Variants in RER1 observed in about 807,000 individuals in gnomAD.
RER1 encodes retention in endoplasmic reticulum sorting receptor 1, also known as protein RER1.
In RER1, 6 loss-of-function variants were observed where a neutral mutation model predicts 28.3. The observed-to-expected ratio is 0.21, with a 90% CI of 0.12 to 0.42. The LOEUF (loss-of-function observed/expected upper bound fraction) is 0.42, where lower values mean the gene tolerates loss of function less well. Among genes scored for constraint, RER1 ranks in the 10% least tolerant of loss-of-function variants. RER1 has a pLI of 1.00. For synonymous variants in RER1, 110 were observed against 95.9 expected (o/e 1.15, Z -0.86); for missense variants, 159 against 252.9 (o/e 0.63, Z 2.52).
At chr1:2,399,238 T>G (rs1036487277) in intron 3 of RER1, among the ~76,000 whole-genome samples, 177 bp from the exon 4 acceptor site, 1 of 152,246 alleles carries the variant, frequency 6.6e-6, no homozygotes, top group Non-Finnish European at 1.5e-5. Context: ...TAATTTGAGA[T>G]AAATTGTTAC....
intron 1 of RER1, among the ~76,000 whole-genome samples, chr1:2,393,630 A>G (rs1185520171): frequency 1.3e-5 from 2 of 152,134 alleles, no homozygotes; most frequent in Non-Finnish European, 2.9e-5. Flanking sequence ...CTGTTGTCCC[A>G]TTTCACAGAC....
intron 2 of RER1, 112 bp downstream of exon 2, chr1:2,395,983 C>G: frequency 1.2e-6 from 1 of 845,678 alleles, no homozygotes; most frequent in South Asian, 1.4e-5. Flanking sequence ...GTTACTTCGC[C>G]TCAGGCTCAA....
At chr1:2,402,969 T>G in intron 6 of RER1, 66 bp from the exon 7 acceptor site, 3 of 1,361,454 alleles carry the variant, frequency 2.2e-6, no homozygotes, top group Non-Finnish European at 3.1e-6. Context: ...GCCGCTCAGA[T>G]TTGGGGACAG....
chr1:2,398,938 G>T (rs1642806898), intron 3 of RER1, among the ~76,000 whole-genome samples: 1 of 152,210 alleles, frequency 6.6e-6, no homozygotes, highest in Non-Finnish European at 1.5e-5. Flanking sequence ...TGAATTGTCT[G>T]TTGGAGGAAC....
At chr1:2,392,324 C>T (rs1252378170) in intron 1 of RER1, among the ~76,000 whole-genome samples, 11 of 152,178 alleles carry the variant, frequency 7.2e-5, no homozygotes, top group Non-Finnish European at 1.6e-4. Context: ...CACAGCGCTG[C>T]GAGTTGGGCT....
Position 2,405,345 on chromosome 1 carries a change from C to T in RER1, c.*2221C>T. ...CCGCCAGCCTCCGTGCCCCACCCCA[C>T]CCAGCACGCACTCATTCAGTCCATT... On this transcript the variant is annotated 3_prime_UTR_variant, in exon 7 of 7. Coordinates refer to ENST00000605895, the MANE Select transcript of RER1 (RefSeq NM_007033.5). 1 of 343,650 alleles carries T rather than the reference C, an allele frequency of 2.9e-6. No individual in the cohort carries two copies. The highest frequency in any genetic ancestry group is 4.2e-5 in the Admixed American group (1 of 23,910). 21.3% of individuals were successfully genotyped at this position (343,650 alleles called of 1,614,324 possible).
chr1:2,397,321 T>G (rs908761476), intron 3 of RER1, 101 bp downstream of exon 3: 25 of 759,878 alleles, frequency 3.3e-5, no homozygotes, highest in Admixed American at 2.1e-4. Context: ...CAGGAAGTGG[T>G]CTCTAGTAAT....
Position 2,405,192 on chromosome 1 carries a change from G to C in RER1, c.*2068G>C. 5.5e-6 allele frequency: 1 copy of C among 181,880 alleles called. No homozygotes were observed. The highest frequency in any genetic ancestry group is 1.2e-5 in the Non-Finnish European group (1 of 84,828). 11.3% of individuals were successfully genotyped at this position (181,880 alleles called of 1,614,324 possible). ...CCGACGGAGGTGCTGGCCTTGGTTG[G>C]TTTCTCTCTGCCCCGTGTGGTCATC... On this transcript the variant is annotated 3_prime_UTR_variant, in exon 7 of 7. Coordinates refer to ENST00000605895, the MANE Select transcript of RER1 (RefSeq NM_007033.5).
intron 1 of RER1, chr1:2,394,033 C>T (rs909231620): frequency 3.3e-5 from 5 of 152,142 alleles, no homozygotes; most frequent in South Asian, 2.1e-4. Flanking sequence ...CTGAGTAAAA[C>T]GGGGAAACTT....
intron 6 of RER1, among the ~76,000 whole-genome samples, chr1:2,402,733 G>A (rs1252374461): frequency 6.6e-6 from 1 of 152,208 alleles, no homozygotes; most frequent in African/African-American, 2.4e-5. Context: ...TTCGTGCTGC[G>A]GGCCTCACTC....
chr1:2,402,038 A>T lies in RER1; in HGVS notation c.366-169A>T, dbSNP rs372639506. 2.5e-5 allele frequency: 39 copies of T among 1,551,546 alleles called. No homozygotes were observed. In the African/African-American group the frequency reaches 4.1e-4, roughly 16 times the overall value. Reference sequence around the variant, plus strand: ...GTGGTTAGGGCAGTACATGTCTGTGAGCTACATGCAAAGGGTCCTGCTGCT... The same window carrying T: ...GTGGTTAGGGCAGTACATGTCTGTGTGCTACATGCAAAGGGTCCTGCTGCT... On this transcript the variant is annotated intron_variant, in intron 5 of 6. Transcript: ENST00000605895.
intron 1 of RER1, chr1:2,395,176 A>G (rs184870469): frequency 6.5e-6 from 1 of 153,332 alleles, no homozygotes; most frequent in African/African-American, 2.4e-5. Context: ...TCCTCATGGC[A>G]TCACAGCAGT....
chr1:2,397,604 A>G (rs1642787657), intron 3 of RER1, among the ~76,000 whole-genome samples: 1 of 151,456 alleles, frequency 6.6e-6, no homozygotes, highest in South Asian at 2.1e-4. Flanking sequence ...GGTGTCATGA[A>G]TGACTCGGCG....
intron 4 of RER1, among the ~76,000 whole-genome samples, chr1:2,400,352 A>G (rs1045572221): frequency 2.8e-4 from 43 of 152,180 alleles, no homozygotes; most frequent in African/African-American, 1.0e-3. Context: ...GAGACTAGAA[A>G]ATAACAAAGA....
chr1:2,400,559 T>A (rs1642830894), intron 4 of RER1, among the ~76,000 whole-genome samples: 1 of 152,244 alleles, frequency 6.6e-6, no homozygotes, highest in Non-Finnish European at 1.5e-5. Context: ...GCCTTTGTTT[T>A]CTTCTGTGCC....
At chr1:2,392,574 C>T (rs748371747) in intron 1 of RER1, among the ~76,000 whole-genome samples, 4 of 152,236 alleles carry the variant, frequency 2.6e-5, no homozygotes, top group Non-Finnish European at 5.9e-5. Context: ...TGTCTCACAG[C>T]ACAGAGGGCT....
intron 1 of RER1, among the ~76,000 whole-genome samples, chr1:2,392,755 A>G (rs1187674049): frequency 1.3e-5 from 2 of 152,208 alleles, no homozygotes; most frequent in African/African-American, 4.8e-5. Flanking sequence ...AGACTCTCAC[A>G]TGGCTTCTGC....
rs949383547 is a variant in RER1, at chr1:2,395,559, C to T, written c.-7-225C>T. On this transcript the variant is annotated intron_variant, in intron 1 of 6. Coordinates refer to ENST00000605895, the MANE Select transcript of RER1 (RefSeq NM_007033.5). Reference sequence around the variant, plus strand: ...AGGTGCCAGTGTGGGAATGAAAATGCGGCCTGTGCTCCTGGGCCCATGCGT... The same window carrying T: ...AGGTGCCAGTGTGGGAATGAAAATGTGGCCTGTGCTCCTGGGCCCATGCGT... 40 of 527,842 alleles carry T rather than the reference C, an allele frequency of 7.6e-5. 1 individual carries two copies. The highest frequency in any genetic ancestry group is 5.0e-4 in the African/African-American group (26 of 52,364). The allele number at this position is 527,842 out of a possible 1,614,324, so 32.7% of individuals were successfully genotyped here.
intron 5 of RER1, among the ~76,000 whole-genome samples, chr1:2,401,391 CTCCTCCCTCCTCCTCCCTCCT>C (rs1642858906): frequency 1.8e-5 from 1 of 56,434 alleles, no homozygotes; most frequent in Non-Finnish European, 3.7e-5. Flanking sequence ...CTCCTCCCTC[CTCCTCCCTCCTCCTCCCTCCT>C]TCCTCCTTCC....
Sources: gnomAD v4.1 joint callset for allele counts (sites outside exome capture counted in the v4.1 genomes callset) on GRCh38, gnomAD v4.1.1 for gene constraint, MANE v1.5 for transcripts, NCBI Gene and HGNC (gene_info 2026-07-23, HGNC 2026-07-21) for gene names.